The following TAF2 variants were observed in gnomAD, a reference collection of about 807,000 sequenced individuals.
TAF2 encodes transcription initiation factor TFIID subunit 2.
Under a neutral mutation model 138.5 loss-of-function variants are expected in TAF2, and 61 were observed. The ratio of observed to expected loss-of-function variants is 0.44; its 90% CI spans 0.36 to 0.54. The LOEUF (loss-of-function observed/expected upper bound fraction) is 0.54. Ranked by LOEUF, TAF2 falls within the 20% of genes least tolerant of loss-of-function variation. The probability of loss-of-function intolerance (pLI) is 0.00; values close to 1 mark genes in which losing one functional copy is unlikely to be tolerated. For synonymous variants in TAF2, 475 were observed against 469.9 expected, an observed-to-expected ratio of 1.01 and a Z score of -0.14; for missense variants, 1,090 against 1,427.9, an observed-to-expected ratio of 0.76 and a Z score of 3.81.
rs148466332 is a variant in TAF2 at position 119,734,615 on chromosome 8, T to C, written c.3338-2429A>G. On this transcript the variant is annotated intron_variant, in intron 25 of 25. Coordinates refer to ENST00000378164, the MANE Select transcript of TAF2 (RefSeq NM_003184.4). ...TGCTTGGGATGTCCTTCTTTCCTTATTTCTTGTCTAACTGATACACTCATT... is the reference window on the plus strand; with the variant it reads ...TGCTTGGGATGTCCTTCTTTCCTTACTTCTTGTCTAACTGATACACTCATT... Among the ~76,000 whole-genome samples, 4 of 152,330 alleles carry C rather than the reference T, an allele frequency of 2.6e-5. No individual in the cohort carries two copies. In the East Asian group the frequency reaches 7.7e-4, roughly 29 times the overall value.
chr8:119,827,092 C>T (rs1187984221), intron 2 of TAF2, among the ~76,000 whole-genome samples: 1 of 152,132 alleles, frequency 6.6e-6, no homozygotes, highest in Non-Finnish European at 1.5e-5. Flanking sequence ...ACTCAGGAGG[C>T]TGAGGTGGGA....
At chr8:119,785,995 T>C (rs1040788058) in intron 14 of TAF2, among the ~76,000 whole-genome samples, 4 of 152,172 alleles carry the variant, frequency 2.6e-5, no homozygotes, top group Admixed American at 2.0e-4. Flanking sequence ...AGAATGACTA[T>C]AAGAAGATTT....
chr8:119,826,562 T>C (rs1826112652), intron 2 of TAF2, among the ~76,000 whole-genome samples: 1 of 152,168 alleles, frequency 6.6e-6, no homozygotes, highest in African/African-American at 2.4e-5. Flanking sequence ...ATTTCCTGTT[T>C]ACATTTAAAA....
At chr8:119,795,119 G>A (rs941470830) in intron 9 of TAF2, among the ~76,000 whole-genome samples, 2 of 151,462 alleles carry the variant, frequency 1.3e-5, no homozygotes, top group African/African-American at 4.8e-5. Flanking sequence ...CAGTTAATAT[G>A]TGCAAAGCAT....
chr8:119,815,069 G>A (rs1825362970), intron 3 of TAF2, among the ~76,000 whole-genome samples: 1 of 151,168 alleles, frequency 6.6e-6, no homozygotes, highest in Non-Finnish European at 1.5e-5. Flanking sequence ...TGATCACAAG[G>A]TCATGAGTTC....
intron 18 of TAF2, among the ~76,000 whole-genome samples, chr8:119,769,014 G>C (rs1210601554): frequency 1.3e-5 from 2 of 152,080 alleles, no homozygotes; most frequent in African/African-American, 4.8e-5. Flanking sequence ...CTAAGACTTG[G>C]AGCTAGTGCA....
chr8:119,737,085 T>A (rs1477941258), intron 25 of TAF2, among the ~76,000 whole-genome samples: 1 of 152,172 alleles, frequency 6.6e-6, no homozygotes, highest in Non-Finnish European at 1.5e-5. Flanking sequence ...AAATGTTAGA[T>A]TCAAAAAGAT....
chr8:119,832,826 C>T lies in TAF2; in HGVS notation c.-262G>A. 2.2e-6 allele frequency: 1 copy of T among 451,074 alleles called. No individual in the cohort carries two copies. The highest frequency in any genetic ancestry group is 4.0e-6 in the Non-Finnish European group (1 of 253,002). The allele number at this position is 451,074 out of a possible 1,614,324, so 27.9% of individuals were successfully genotyped here. On this transcript the variant is annotated 5_prime_UTR_variant, in exon 1 of 26. Coordinates refer to ENST00000378164, the MANE Select transcript of TAF2 (RefSeq NM_003184.4). ...GCTCGAAGCTACCATCCGCCGACAT[C>T]TTGTCTGTAACCTCTGACCTCCGAC...
intron 14 of TAF2, 78 bp from the exon 15 acceptor site, chr8:119,785,344 A>G: frequency 2.0e-6 from 2 of 991,044 alleles, no homozygotes; most frequent in South Asian, 2.7e-5. Flanking sequence ...CTAAAATTCA[A>G]ATAAAGTATT....
Position 119,744,331 on chromosome 8 carries a change from G to T in TAF2, c.3171C>A (p.Phe1057Leu). The change falls in exon 24 of 26, where the codon TTC becomes TTA. Residue 1057 changes from phenylalanine (F) to leucine (L), a missense_variant. Physicochemically the swap from Phe to Leu is conservative, Grantham distance 22 (BLOSUM62 0). Around this residue, in one of 3 missense-constraint regions of TAF2, gnomAD observed 580 missense variants for 719.6 expected, o/e 0.81. Transcript: ENST00000378164. ...DMDTVHDSQA[F>L]ISHHLNMLER... Reference sequence around the variant, plus strand: ...CAAGCATGTTTAAATGATGGGAAATGAAGGCCTGGCTATCATGAACAGTAT... The same window carrying T: ...CAAGCATGTTTAAATGATGGGAAATTAAGGCCTGGCTATCATGAACAGTAT... The T allele has an allele frequency of 1.9e-6, 3 of 1,613,818 alleles. No individual in the cohort carries two copies. Among genetic ancestry groups the T allele is most frequent in the Non-Finnish European group, 2.5e-6 (3 of 1,179,930 alleles).
intron 17 of TAF2, among the ~76,000 whole-genome samples, chr8:119,780,521 C>A (rs1240774451): frequency 6.6e-6 from 1 of 152,238 alleles, no homozygotes; most frequent in Non-Finnish European, 1.5e-5. Context: ...CCCCAGGTAA[C>A]CAACCAAAAA....
chr8:119,810,343 T>C (rs904178252), intron 3 of TAF2, among the ~76,000 whole-genome samples: 2 of 152,180 alleles, frequency 1.3e-5, no homozygotes, highest in African/African-American at 4.8e-5. Context: ...CCTTTTGCCA[T>C]TGAGTGGTAT....
Position 119,746,934 on chromosome 8 carries a change from C to T in TAF2, c.2879G>A (p.Gly960Asp). 1.2e-6 allele frequency: 2 copies of T among 1,613,876 alleles called. No homozygotes were observed. Among genetic ancestry groups the T allele is most frequent in the Non-Finnish European group, 1.7e-6 (2 of 1,179,948 alleles). The change falls in exon 23 of 26, where the codon GGT (glycine) becomes GAT (aspartate). Residue 960 changes from glycine to aspartate, a missense_variant and splice_region_variant. This residue lies in a region of TAF2 where 580 missense variants were observed against 719.6 expected (regional missense o/e 0.81). Transcript: ENST00000378164. ...VDQLWKLMNS[G>D]TSHDWRLRCG... ...CCGTAACCTCCAGTCATGTGAAGTA[C>T]CTAAAAAGTAAGTAATAAAGAAATG... is the stretch of plus-strand genomic sequence containing the variant.
chr8:119,745,216 G>A (rs569637549), intron 23 of TAF2, among the ~76,000 whole-genome samples: 1 of 152,256 alleles, frequency 6.6e-6, no homozygotes, highest in East Asian at 1.9e-4. Context: ...GGGGGGAGAA[G>A]GGAGGTATTT....
chr8:119,817,247 G>C (rs1400607435), intron 3 of TAF2, among the ~76,000 whole-genome samples: 2 of 151,982 alleles, frequency 1.3e-5, no homozygotes, highest in Non-Finnish European at 2.9e-5. Context: ...CAGGTCTGTG[G>C]CCTGTTAGGA....
At chr8:119,820,970 G>A (rs1267086461) in intron 2 of TAF2, among the ~76,000 whole-genome samples, 7 of 152,156 alleles carry the variant, frequency 4.6e-5, no homozygotes, top group Non-Finnish European at 1.0e-4. Flanking sequence ...ATTTAAATGA[G>A]CTTGGATCAG....
intron 25 of TAF2, 45 bp downstream of exon 25, chr8:119,742,489 T>C: frequency 6.2e-7 from 1 of 1,600,054 alleles, no homozygotes; most frequent in Non-Finnish European, 8.5e-7. Flanking sequence ...ATTTATAGAT[T>C]TGTTCTTGAA....
chr8:119,732,290 T>C (rs1047169987), intron 25 of TAF2, 104 bp from the exon 26 acceptor site: 69 of 1,025,970 alleles, frequency 6.7e-5, no homozygotes, highest in Non-Finnish European at 9.4e-5. Context: ...ATTCCTAAGT[T>C]TTTATCACTT....
At chr8:119,811,633 C>T (rs1005535350) in intron 3 of TAF2, among the ~76,000 whole-genome samples, 5 of 151,368 alleles carry the variant, frequency 3.3e-5, no homozygotes, top group African/African-American at 7.3e-5. Context: ...GGTGAAACCC[C>T]GTCTCTACTA....
Sources: allele counts gnomAD v4.1 joint callset (sites outside exome capture counted in the v4.1 genomes callset), GRCh38; gene constraint gnomAD v4.1.1; regional missense constraint gnomAD v4.1.1; transcripts MANE v1.5; gene names NCBI Gene and HGNC (gene_info 2026-07-23, HGNC 2026-07-21).